The following TRIOBP variants were observed in gnomAD, a reference collection of about 807,000 sequenced individuals.
TRIOBP encodes the protein TRIO and F-actin binding protein, also known as TRIO and F-actin-binding protein.
In TRIOBP, 169 loss-of-function variants were observed where a neutral mutation model predicts 238.8. The ratio of observed to expected loss-of-function variants is 0.71; its 90% CI spans 0.62 to 0.80. The LOEUF is 0.80. TRIOBP is among the 30% of genes least tolerant of loss of function. TRIOBP has a pLI of 0.00. For missense variants in TRIOBP, 2,838 were observed against 3,122.6 expected, an observed-to-expected ratio of 0.91 and a Z score of 2.17; for synonymous variants, 1,150 against 1,274.4, an observed-to-expected ratio of 0.90 and a Z score of 2.08.
chr22:37,755,426 C>T lies in TRIOBP; in HGVS notation c.5578-124C>T, dbSNP rs1225921961. The T allele has an allele frequency of 1.1e-5, 11 of 988,002 alleles. No individual in the cohort carries two copies. The East Asian group carries it at 2.3e-4, about 21-fold the overall frequency. The allele number at this position is 988,002 out of a possible 1,614,324, so 61.2% of individuals were successfully genotyped here. Reference sequence around the variant, plus strand: ...GGAAGGGAGGTTTTGTACCCCCTGCCCACCCCAGACTCAAGACCTTAGATG... The same window carrying T: ...GGAAGGGAGGTTTTGTACCCCCTGCTCACCCCAGACTCAAGACCTTAGATG... On this transcript the variant is annotated intron_variant, in intron 14 of 23. Coordinates refer to ENST00000644935, the MANE Select transcript of TRIOBP (RefSeq NM_001039141.3).
In TRIOBP at chr22:37,743,801, ATGTGTGTGTGTGTGTGTG is replaced by A. The variant is rs71195050; in HGVS notation, c.5322+2796_5322+2813del. ...GGGGAAGGGGAGAAAGAGAGAGAGA[ATGTGTGTGTGTGTGTGTG>A]TGTGTGTGTGTGTGTGTGTGTGTGT... On this transcript the variant is annotated intron_variant, in intron 11 of 23. Transcript: ENST00000644935. Among the ~76,000 whole-genome samples the A allele has an allele frequency of 4.9e-3, 555 of 114,182 alleles. 9 individuals carry two copies. Among genetic ancestry groups the A allele is most frequent in the African/African-American group, 0.016 (499 of 30,346 alleles). 74.9% of individuals were successfully genotyped at this position (114,182 alleles called of 152,430 possible). A position where few individuals can be genotyped will look rare whatever the true frequency, so the allele number is the denominator to read the frequency against.
chr22:37,711,955 C>T (rs5756784), intron 4 of TRIOBP, among the ~76,000 whole-genome samples: 147,537 of 152,282 alleles, frequency 0.97, 71,506 homozygotes, highest in East Asian at 1. Context: ...CTAGTGAACC[C>T]GTCAATGCCT....
chr22:37,698,354 C>CTT (rs1175913171), intron 2 of TRIOBP, among the ~76,000 whole-genome samples: 17,066 of 57,962 alleles, frequency 0.29, 4,063 homozygotes, highest in Non-Finnish European at 0.37. Context: ...CTGCAAGAGC[C>CTT]TTTTTTTTTT....
At chr22:37,759,289 G>T (rs1391760216) in intron 17 of TRIOBP, 25 bp downstream of exon 17, 2 of 1,602,156 alleles carry the variant, frequency 1.2e-6, no homozygotes, top group East Asian at 2.2e-5. Flanking sequence ...CTGTTTTTCA[G>T]GGGGAGGGGG....
rs144995033 is a variant in TRIOBP, at chr22:37,723,265, C to T, written c.709C>T (p.Arg237Trp). Reference protein sequence around the residue: ...GESGLSLERHRSTLTQASSMT... With the variant: ...GESGLSLERHWSTLTQASSMT... ...AAGCGGGTTGTCCCTGGAGCGGCAC[C>T]GGTCAACACTGACCCAGGCTTCCTC... The change falls in exon 7 of 24, where the codon CGG becomes TGG. Residue 237 changes from arginine (R) to tryptophan (W), a missense_variant. By Grantham distance (101) the Arg-to-Trp change is moderately radical. Around this residue, in one of 5 missense-constraint regions of TRIOBP, gnomAD observed 535 missense variants for 537.3 expected, o/e 1.00. Coordinates refer to ENST00000644935, the MANE Select transcript of TRIOBP (RefSeq NM_001039141.3). 7.7e-4 allele frequency: 1,240 copies of T among 1,614,038 alleles called. No homozygotes were observed. The highest frequency in any genetic ancestry group is 6.7e-3 in the East Asian group (302 of 44,878).
In TRIOBP at chr22:37,713,364, A is replaced by G. The variant is rs201008196; in HGVS notation, c.409A>G (p.Ser137Gly). ...GGACCCCGGCTCTGACCCCACCTCC[A>G]GCCCTGACTCCGCCACCCCTGATGA... Reference protein sequence around the residue: ...NEDPGSDPTSSPDSATPDDTS... With the variant: ...NEDPGSDPTSGPDSATPDDTS... Residue 137 changes from serine to glycine, a missense_variant, in exon 5 of 24, where the codon AGC becomes GGC. Physicochemically the swap from Ser to Gly is moderately conservative, Grantham distance 56. Transcript: ENST00000644935. 56 of 1,613,934 alleles carry G rather than the reference A, an allele frequency of 3.5e-5. No homozygotes were observed. The Admixed American group carries it at 7.0e-4, about 20-fold the overall frequency.
chr22:37,699,676 G>A (rs1436042222), intron 2 of TRIOBP, among the ~76,000 whole-genome samples: 2 of 151,942 alleles, frequency 1.3e-5, no homozygotes, highest in East Asian at 1.9e-4. Context: ...CGAGTAACTG[G>A]GACTACAGGT....
chr22:37,762,879 C>T (rs1005126662), intron 17 of TRIOBP, among the ~76,000 whole-genome samples: 3 of 152,150 alleles, frequency 2.0e-5, no homozygotes, highest in South Asian at 2.1e-4. Context: ...CGACAGCTGT[C>T]GGGTGGTCTG....
At chr22:37,763,452 C>T (rs1176325363) in intron 17 of TRIOBP, among the ~76,000 whole-genome samples, 1 of 152,130 alleles carries the variant, frequency 6.6e-6, no homozygotes, top group Non-Finnish European at 1.5e-5. Context: ...AAGCTCTTGG[C>T]CCTCGCTCCT....
chr22:37,705,750 A>G (rs1399555489), intron 3 of TRIOBP, among the ~76,000 whole-genome samples: 3 of 151,724 alleles, frequency 2.0e-5, no homozygotes, highest in Non-Finnish European at 1.5e-5. Context: ...TAATTTTTGT[A>G]TTTTTAGTAG....
At chr22:37,768,987 C>A (rs1252987616) in intron 19 of TRIOBP, 41 bp from the exon 20 acceptor site, 2 of 1,612,276 alleles carry the variant, frequency 1.2e-6, no homozygotes, top group Admixed American at 3.3e-5. Flanking sequence ...TTGGCAGGAG[C>A]AAGACAACCT....
intron 3 of TRIOBP, among the ~76,000 whole-genome samples, chr22:37,706,910 C>T (rs1299214757): frequency 6.6e-6 from 1 of 152,152 alleles, no homozygotes; most frequent in Admixed American, 6.5e-5. Flanking sequence ...GTCTCCGAGC[C>T]AGGCCCTGGG....
intron 11 of TRIOBP, among the ~76,000 whole-genome samples, chr22:37,750,291 G>T (rs917950354): frequency 5.3e-5 from 8 of 152,250 alleles, no homozygotes; most frequent in Non-Finnish European, 1.2e-4. Context: ...CTGCCCAGTG[G>T]TGCCAGCTCT....
Position 37,740,903 on chromosome 22 carries a change from G to C in TRIOBP, c.5193G>C (p.Lys1731Asn), listed in dbSNP as rs1207596715. Residue 1731 changes from lysine to asparagine, a missense_variant, in exon 11 of 24, where the codon AAG becomes AAC. Lys to Asn is a moderately conservative substitution (Grantham distance 94). Around this residue, in one of 5 missense-constraint regions of TRIOBP, gnomAD observed 2,096 missense variants for 2,137.4 expected, o/e 0.98. Coordinates refer to ENST00000644935, the MANE Select transcript of TRIOBP (RefSeq NM_001039141.3). ...TGGACCCTGTTTGACAGGCAGACAA[G>C]AGGCCAGCAGAGGGCAAGGCTGGGA... ...TDQKQADSAD[K>N]RPAEGKAGSP... The C allele has an allele frequency of 1.3e-6, 2 of 1,573,446 alleles. No individual in the cohort carries two copies. The highest frequency in any genetic ancestry group is 1.7e-6 in the Non-Finnish European group (2 of 1,159,358).
intron 11 of TRIOBP, among the ~76,000 whole-genome samples, chr22:37,747,287 C>T (rs1261252740): frequency 6.6e-6 from 1 of 152,148 alleles, no homozygotes; most frequent in Admixed American, 6.5e-5. Context: ...GCCCACTGAC[C>T]GTGATGTTCG....
At chr22:37,741,091 G>T (rs2145848454) in intron 11 of TRIOBP, 59 bp downstream of exon 11, 1 of 1,539,514 alleles carries the variant, frequency 6.5e-7, no homozygotes, top group Non-Finnish European at 8.8e-7. Context: ...GGGATGGGAG[G>T]GAGGAGGGGG....
chr22:37,717,774 T>C (rs1923600111), intron 6 of TRIOBP, among the ~76,000 whole-genome samples: 1 of 152,228 alleles, frequency 6.6e-6, no homozygotes, highest in Non-Finnish European at 1.5e-5. Context: ...CCCAGCTGGC[T>C]TCACCCAGTG....
intron 3 of TRIOBP, among the ~76,000 whole-genome samples, 176 bp from the exon 4 acceptor site, chr22:37,710,251 C>T (rs1210699790): frequency 1.3e-5 from 2 of 152,240 alleles, no homozygotes; most frequent in African/African-American, 4.8e-5. Flanking sequence ...GTACCTCAGC[C>T]AGCCCTCGGC....
chr22:37,746,491 TCTCCCCTC>T, intron 11 of TRIOBP: 1 of 1,279,852 alleles, frequency 7.8e-7, no homozygotes. Context: ...GAGCCCAGCC[TCTCCCCTC>T]CGGGGCAGCC....
Sources: gnomAD v4.1 joint callset for allele counts (sites outside exome capture counted in the v4.1 genomes callset) on GRCh38, gnomAD v4.1.1 for gene constraint, gnomAD v4.1.1 regional missense constraint, MANE v1.5 for transcripts, NCBI Gene and HGNC (gene_info 2026-07-23, HGNC 2026-07-21) for gene names.